The following UGT1A5 variants were observed in gnomAD, a reference collection of about 807,000 sequenced individuals.
UGT1A5 encodes the protein UDP glucuronosyltransferase family 1 member A5.
Under a neutral mutation model 40.3 loss-of-function variants are expected in UGT1A5, and 29 were observed. The ratio of observed to expected loss-of-function variants is 0.72; its 90% confidence interval spans 0.54 to 0.98. The LOEUF is 0.98. Among genes scored for constraint, UGT1A5 ranks in the 50% least tolerant of loss-of-function variants. The pLI, the probability that UGT1A5 is intolerant of heterozygous loss-of-function variation, is 0.00. For synonymous variants in UGT1A5, 257 were observed against 262.5 expected, an observed-to-expected ratio of 0.98 and a Z score of 0.20; for missense variants, 678 against 677.9, an observed-to-expected ratio of 1.00 and a Z score of 0.00.
intron 1 of UGT1A5, among the ~76,000 whole-genome samples, chr2:233,716,243 G>A (rs1481828829): frequency 2.0e-5 from 3 of 152,006 alleles, no homozygotes; most frequent in African/African-American, 4.8e-5. Flanking sequence ...TGTCCTGCCC[G>A]GACATCCAGC....
At chr2:233,748,093 C>A (rs1693864089) in intron 1 of UGT1A5, 3 of 1,612,862 alleles carry the variant, frequency 1.9e-6, no homozygotes, top group African/African-American at 1.3e-5. Context: ...GGTGTTCGTG[C>A]CTTCATCCAA....
intron 1 of UGT1A5, chr2:233,719,202 T>G (rs764611570): frequency 6.2e-7 from 1 of 1,614,218 alleles, no homozygotes; most frequent in South Asian, 1.1e-5. Flanking sequence ...TCATAGGTGT[T>G]GTGTGGAGCT....
Position 233,715,888 on chromosome 2 carries a change from C to T in UGT1A5, c.867+2030C>T, listed in dbSNP as rs1156732066. 2.6e-5 allele frequency among the ~76,000 whole-genome samples: 4 copies of T among 152,168 alleles called. No homozygotes were observed. In the East Asian group the frequency reaches 7.7e-4, roughly 29 times the overall value. On this transcript the variant is annotated intron_variant, in intron 1 of 4. Coordinates refer to ENST00000373414, the MANE Select transcript of UGT1A5 (RefSeq NM_019078.2). Reference sequence around the variant, plus strand: ...TAGCTTGTGCCTGTGGCCCCAGCTACTTGGGAGGCTCAGGTGGGAGGATCA... The same window carrying T: ...TAGCTTGTGCCTGTGGCCCCAGCTATTTGGGAGGCTCAGGTGGGAGGATCA...
rs1296616460 is a variant in UGT1A5 at position 233,754,185 on chromosome 2, C to G, written c.868-12849C>G. Reference sequence around the variant, plus strand: ...ATTAATATATTCATAGATTTCACCACCACACAGTAAAACATTGAAGTCAAA... The same window carrying G: ...ATTAATATATTCATAGATTTCACCAGCACACAGTAAAACATTGAAGTCAAA... On this transcript the variant is annotated intron_variant, in intron 1 of 4. Transcript: ENST00000373414. 3.1e-5 allele frequency: 5 copies of G among 159,682 alleles called. No individual in the cohort carries two copies. The East Asian group carries it at 9.1e-4, about 29-fold the overall frequency. 9.9% of individuals were successfully genotyped at this position (159,682 alleles called of 1,614,324 possible). A position where few individuals can be genotyped will look rare whatever the true frequency, so the allele number is the denominator to read the frequency against.
chr2:233,736,686 T>C (rs2078793378), intron 1 of UGT1A5, among the ~76,000 whole-genome samples: 1 of 152,252 alleles, frequency 6.6e-6, no homozygotes, highest in Admixed American at 6.5e-5. Context: ...GTTGGTGACC[T>C]ACAGATGGGG....
At chr2:233,748,014 C>A in intron 1 of UGT1A5, 1 of 1,613,488 alleles carries the variant, frequency 6.2e-7, no homozygotes, top group Non-Finnish European at 8.5e-7. Flanking sequence ...TTACCCCAGG[C>A]CGATCATGCC....
In UGT1A5 at chr2:233,744,891, T is replaced by C. The variant is rs1270091915; in HGVS notation, c.868-22143T>C. 7.2e-5 allele frequency among the ~76,000 whole-genome samples: 11 copies of C among 151,996 alleles called. No individual in the cohort carries two copies. The East Asian group carries it at 2.1e-3, about 29-fold the overall frequency. On this transcript the variant is annotated intron_variant, in intron 1 of 4. Coordinates refer to ENST00000373414, the MANE Select transcript of UGT1A5 (RefSeq NM_019078.2). ...GGATTAGTTTAGGACAACCCTCCTC[T>C]CCATACCAAAATCTAGATGCTCAAG...
chr2:233,731,397 T>A (rs2078153818), intron 1 of UGT1A5, among the ~76,000 whole-genome samples: 1 of 152,046 alleles, frequency 6.6e-6, no homozygotes, highest in South Asian at 2.1e-4. Context: ...CAACTCGTCA[T>A]TTACATTAGG....
intron 1 of UGT1A5, chr2:233,741,713 C>T (rs1022518574): frequency 6.6e-6 from 1 of 151,840 alleles, no homozygotes; most frequent in South Asian, 2.1e-4. Flanking sequence ...TCTGAGGGTT[C>T]TAGAGCATAT....
chr2:233,746,760 G>A (rs1693469059), intron 1 of UGT1A5, among the ~76,000 whole-genome samples: 1 of 151,816 alleles, frequency 6.6e-6, no homozygotes, highest in South Asian at 2.1e-4. Context: ...AGATTAATTG[G>A]ATTGCTTAGT....
At chr2:233,755,246 C>T (rs1229068281) in intron 1 of UGT1A5, 3 of 850,962 alleles carry the variant, frequency 3.5e-6, no homozygotes, top group Non-Finnish European at 5.3e-6. Flanking sequence ...GGGGTACTCC[C>T]AGCACCTCGT....
intron 1 of UGT1A5, 91 bp downstream of exon 1, chr2:233,713,949 T>C: frequency 1.2e-6 from 2 of 1,609,382 alleles, no homozygotes; most frequent in South Asian, 2.2e-5. Flanking sequence ...TATCTACTTA[T>C]CTTTCCAAAG....
chr2:233,724,302 T>C (rs1575551867), intron 1 of UGT1A5, among the ~76,000 whole-genome samples: 2 of 123,390 alleles, frequency 1.6e-5, no homozygotes, highest in Admixed American at 8.1e-5. Flanking sequence ...CCCCCCCACC[T>C]CCCTCCCGGA....
Position 233,768,364 on chromosome 2 carries a change from G to T in UGT1A5, c.1232G>T (p.Gly411Val). 1 of 1,614,172 alleles carries T rather than the reference G, an allele frequency of 6.2e-7. No homozygotes were observed. Among genetic ancestry groups the T allele is most frequent in the Non-Finnish European group, 8.5e-7 (1 of 1,180,034 alleles). ...NAKRMETKGA[G>V]VTLNVLEMTS... ...AAGCGCATGGAGACTAAGGGAGCTG[G>T]AGTGACCCTGAATGTTCTGGAAATG... Residue 411 changes from glycine to valine, a missense_variant, in exon 4 of 5, where the codon GGA (glycine) becomes GTA (valine). Coordinates refer to ENST00000373414, the MANE Select transcript of UGT1A5 (RefSeq NM_019078.2).
rs115693071 is a variant in UGT1A5 at position 233,730,075 on chromosome 2, T to C, written c.867+16217T>C. ...ATGTATTTATTTAAAATTGCTTCCA[T>C]ATTTACTTATCTTTCCAAATATTTC... On this transcript the variant is annotated intron_variant, in intron 1 of 4. Coordinates refer to ENST00000373414, the MANE Select transcript of UGT1A5 (RefSeq NM_019078.2). 4.0e-4 allele frequency: 646 copies of C among 1,607,268 alleles called. 1 individual carries two copies. In the African/African-American group the frequency reaches 5.1e-3, roughly 13 times the overall value.
intron 1 of UGT1A5, among the ~76,000 whole-genome samples, chr2:233,764,842 T>G (rs925133951): frequency 2.6e-5 from 4 of 151,734 alleles, no homozygotes; most frequent in African/African-American, 7.3e-5. Flanking sequence ...GGAGGATGAC[T>G]CTGTCCTCCC....
At chr2:233,757,560 A>ATG (rs199649558) in intron 1 of UGT1A5, among the ~76,000 whole-genome samples, 16 of 123,134 alleles carry the variant, frequency 1.3e-4, no homozygotes, top group African/African-American at 3.4e-4. Context: ...ATATATATAT[A>ATG]TGTATATATG....
chr2:233,755,122 C>T, intron 1 of UGT1A5: 1 of 1,328,086 alleles, frequency 7.5e-7, no homozygotes, highest in Non-Finnish European at 1.0e-6. Flanking sequence ...TAGGCCTCAG[C>T]CACCTGCTTG....
chr2:233,738,480 A>T (rs981519178), intron 1 of UGT1A5, among the ~76,000 whole-genome samples: 1 of 152,194 alleles, frequency 6.6e-6, no homozygotes, highest in African/African-American at 2.4e-5. Flanking sequence ...CTTCCTGGAG[A>T]CTTGTTGAAC....
Sources: allele counts gnomAD v4.1 joint callset (sites outside exome capture counted in the v4.1 genomes callset), GRCh38; gene constraint gnomAD v4.1.1; transcripts MANE v1.5; gene names NCBI Gene and HGNC (gene_info 2026-07-23, HGNC 2026-07-21).